MBOAT2: variants seen among roughly 807,000 people sequenced by gnomAD.
MBOAT2 encodes membrane-bound glycerophospholipid O-acyltransferase 2.
Under a neutral mutation model 63.4 loss-of-function variants are expected in MBOAT2, and 28 were observed. That is an observed-to-expected ratio of 0.44 (90% confidence interval 0.33 to 0.61). MBOAT2 has a LOEUF of 0.61. MBOAT2 is among the 20% of genes least tolerant of loss of function. The probability of loss-of-function intolerance (pLI) is 0.03; values close to 1 mark genes in which losing one functional copy is unlikely to be tolerated. For missense variants in MBOAT2, 470 were observed against 605.8 expected, an observed-to-expected ratio of 0.78 and a Z score of 2.35; for synonymous variants, 211 against 215.6, an observed-to-expected ratio of 0.98 and a Z score of 0.19.
intron 3 of MBOAT2, among the ~76,000 whole-genome samples, chr2:8,912,311 G>GA (rs1665778741): frequency 1.1e-5 from 1 of 88,818 alleles, no homozygotes; most frequent in Non-Finnish European, 2.2e-5. Context: ...AAGAAAGAAA[G>GA]AAAGAAAGAA....
intron 1 of MBOAT2, among the ~76,000 whole-genome samples, chr2:8,973,361 G>A (rs1303967251): frequency 4.9e-5 from 6 of 121,738 alleles, no homozygotes; most frequent in Admixed American, 9.6e-5. Flanking sequence ...ACACACCGGG[G>A]CCTGTCGTGG....
In MBOAT2 at chr2:8,898,399, G is replaced by A. The variant is rs111807931; in HGVS notation, c.395+10222C>T. Among the ~76,000 whole-genome samples the A allele has an allele frequency of 3.9e-5, 6 of 152,306 alleles. No homozygotes were observed. The South Asian group carries it at 6.2e-4, about 16-fold the overall frequency. On this transcript the variant is annotated intron_variant, in intron 4 of 12. Coordinates refer to ENST00000305997, the MANE Select transcript of MBOAT2 (RefSeq NM_138799.4). ...CAACTGTTTTAATGTCTTAGGGCAC[G>A]GATAAGCCAGTACAGCCTGTATTCA...
At chr2:8,971,297 C>T (rs187791518) in intron 1 of MBOAT2, among the ~76,000 whole-genome samples, 160 of 152,292 alleles carry the variant, frequency 1.1e-3, no homozygotes, top group African/African-American at 3.7e-3. Flanking sequence ...GCAGAAAAGG[C>T]CTTTGACAAA....
At chr2:8,878,611 A>G (rs1404826449) in intron 6 of MBOAT2, among the ~76,000 whole-genome samples, 2 of 152,224 alleles carry the variant, frequency 1.3e-5, no homozygotes, top group Non-Finnish European at 2.9e-5. Flanking sequence ...CCTCCTGAGT[A>G]GCTGGGATGA....
intron 1 of MBOAT2, among the ~76,000 whole-genome samples, chr2:8,999,984 C>G (rs1347617017): frequency 6.6e-6 from 1 of 152,220 alleles, no homozygotes; most frequent in African/African-American, 2.4e-5. Context: ...CTGGCCTCAG[C>G]CTAACCACAA....
chr2:8,912,377 A>AAGAAAGAAAGAAAGAAAG (rs1357786223), intron 3 of MBOAT2, among the ~76,000 whole-genome samples: 109 of 64,346 alleles, frequency 1.7e-3, no homozygotes, highest in Middle Eastern at 8.6e-3. Context: ...AAGAAAGAGA[A>AAGAAAGAAAGAAAGAAAG]AGAAAGAAAG....
rs1297811274 is a variant in MBOAT2 at position 8,891,421 on chromosome 2, G to A, written c.396-3348C>T. Among the ~76,000 whole-genome samples the A allele has an allele frequency of 2.0e-5, 3 of 152,274 alleles. No individual in the cohort carries two copies. The East Asian group carries it at 5.8e-4, about 29-fold the overall frequency. The stretch of plus-strand genomic sequence containing the variant: ...GGAGACAAGAAAGACTGATGGGAAA[G>A]GGCATATCTCACCCTTCCGCAGCAG... On this transcript the variant is annotated intron_variant, in intron 4 of 12. Transcript: ENST00000305997.
At chr2:8,982,449 T>C (rs545649814) in intron 1 of MBOAT2, among the ~76,000 whole-genome samples, 1 of 152,292 alleles carries the variant, frequency 6.6e-6, no homozygotes, top group African/African-American at 2.4e-5. Flanking sequence ...TTGTCCAATA[T>C]ATACTTTGGT....
At chr2:8,988,511 T>TA (rs1393753063) in intron 1 of MBOAT2, among the ~76,000 whole-genome samples, 1 of 152,118 alleles carries the variant, frequency 6.6e-6, no homozygotes, top group African/African-American at 2.4e-5. Context: ...AACAAATGAG[T>TA]TAATGTGAGT....
chr2:8,946,306 T>A (rs988035373), intron 2 of MBOAT2, among the ~76,000 whole-genome samples: 1 of 152,200 alleles, frequency 6.6e-6, no homozygotes, highest in Non-Finnish European at 1.5e-5. Context: ...TTTGCCTGAC[T>A]TCAGAGTTTA....
At chr2:8,903,223 C>A (rs993833079) in intron 4 of MBOAT2, among the ~76,000 whole-genome samples, 1 of 152,166 alleles carries the variant, frequency 6.6e-6, no homozygotes, top group African/African-American at 2.4e-5. Context: ...CCCACCCGAC[C>A]CAGAAGCCCA....
Position 8,855,134 on chromosome 2 carries a change from C to G in MBOAT2, c.*3545G>C, listed in dbSNP as rs1660998895. On this transcript the variant is annotated 3_prime_UTR_variant, in exon 13 of 13. Coordinates refer to ENST00000305997, the MANE Select transcript of MBOAT2 (RefSeq NM_138799.4). ...GAGGTTTCACTGTTATCATGACAAC[C>G]TTTTGAAATGTCAGGGCTTTGAGCT... The G allele has an allele frequency of 6.6e-6, 1 of 152,188 alleles. No homozygotes were observed. Among genetic ancestry groups the G allele is most frequent in the Admixed American group, 6.5e-5 (1 of 15,282 alleles). 9.4% of individuals were successfully genotyped at this position (152,188 alleles called of 1,614,324 possible).
At chr2:8,914,930 A>ATT (rs1487888566) in intron 3 of MBOAT2, among the ~76,000 whole-genome samples, 7 of 118,278 alleles carry the variant, frequency 5.9e-5, no homozygotes, top group African/African-American at 9.8e-5. Flanking sequence ...ACTACTGGAA[A>ATT]TTTCTTTTTT....
intron 9 of MBOAT2, among the ~76,000 whole-genome samples, chr2:8,865,102 G>A (rs572042131): frequency 2.0e-5 from 3 of 152,228 alleles, no homozygotes; most frequent in South Asian, 2.1e-4. Context: ...TCTCCACCAC[G>A]ACTGAGCCCT....
chr2:8,952,234 G>A (rs1668888040), intron 2 of MBOAT2, among the ~76,000 whole-genome samples: 1 of 152,190 alleles, frequency 6.6e-6, no homozygotes, highest in Non-Finnish European at 1.5e-5. Context: ...GGTTTTGAGA[G>A]ATCTTCTTGG....
intron 3 of MBOAT2, among the ~76,000 whole-genome samples, chr2:8,935,120 C>T (rs890907205): frequency 6.6e-6 from 1 of 152,134 alleles, no homozygotes. Flanking sequence ...TTACCATGTC[C>T]GCTGACCTGT....
intron 1 of MBOAT2, among the ~76,000 whole-genome samples, chr2:8,991,692 CTGG>C (rs1311021596): frequency 2.0e-5 from 3 of 152,154 alleles, no homozygotes; most frequent in Non-Finnish European, 4.4e-5. Flanking sequence ...TACCTAATTC[CTGG>C]TGGCCAATAA....
intron 3 of MBOAT2, among the ~76,000 whole-genome samples, chr2:8,922,631 T>TG (rs1250777021): frequency 6.6e-6 from 1 of 152,230 alleles, no homozygotes; most frequent in Non-Finnish European, 1.5e-5. Context: ...GGTCAGTCAA[T>TG]GATTAGTCGG....
At chr2:8,920,129 G>A (rs1187641945) in intron 3 of MBOAT2, among the ~76,000 whole-genome samples, 1 of 152,108 alleles carries the variant, frequency 6.6e-6, no homozygotes, top group Non-Finnish European at 1.5e-5. Flanking sequence ...CCAATCACAA[G>A]TCACAGAGAA....
Sources: gnomAD v4.1 joint callset for allele counts (sites outside exome capture counted in the v4.1 genomes callset) on GRCh38, gnomAD v4.1.1 for gene constraint, MANE v1.5 for transcripts, NCBI Gene and HGNC (gene_info 2026-07-23, HGNC 2026-07-21) for gene names.